The following DRC8 variants were observed in gnomAD, a reference collection of about 807,000 sequenced individuals.
DRC8 encodes dynein regulatory complex subunit 8.
chr1:245,105,004 C>A, the DRC8 span, among the ~76,000 whole-genome samples: 14 of 152,324 alleles, frequency 9.2e-5, no homozygotes, highest in African/African-American at 3.4e-4. Context: ...GTAGAATTGT[C>A]CGCACGTTGG....
the DRC8 span, among the ~76,000 whole-genome samples, chr1:245,098,195 G>A: frequency 6.3e-3 from 954 of 152,256 alleles, 9 homozygotes; most frequent in African/African-American, 0.021. Context: ...TCTCAGCAAC[G>A]ACATACTATT....
At chr1:245,032,235 G>A in the DRC8 span, among the ~76,000 whole-genome samples, 2 of 152,164 alleles carry the variant, frequency 1.3e-5, no homozygotes, top group African/African-American at 2.4e-5. Context: ...CAGGGCCCAG[G>A]TAGCATGGGA....
chr1:244,975,154 T>A, the DRC8 span, among the ~76,000 whole-genome samples: 1 of 152,072 alleles, frequency 6.6e-6, no homozygotes, highest in Non-Finnish European at 1.5e-5. Flanking sequence ...ATGGTCTCGA[T>A]CTCCTGACCT....
At chr1:245,064,002 C>T in the DRC8 span, among the ~76,000 whole-genome samples, 1 of 152,216 alleles carries the variant, frequency 6.6e-6, no homozygotes, top group Non-Finnish European at 1.5e-5. Context: ...GGATTACAGG[C>T]GTGACCAACC....
the DRC8 span, among the ~76,000 whole-genome samples, chr1:245,068,011 C>T: frequency 1.8e-4 from 3 of 16,746 alleles, no homozygotes; most frequent in African/African-American, 2.4e-4. Context: ...GGCTACCATC[C>T]AGCCATTACT....
At chr1:244,970,885 A>G in the DRC8 span, 2 of 203,002 alleles carry the variant, frequency 9.9e-6, no homozygotes, top group East Asian at 1.3e-4. Context: ...GTCGCGGGGA[A>G]GCCGCCGCCG....
chr1:245,036,796 A>G, the DRC8 span, among the ~76,000 whole-genome samples: 5 of 152,200 alleles, frequency 3.3e-5, no homozygotes, highest in Admixed American at 3.3e-4. Flanking sequence ...AAATCTGTAG[A>G]CACACAGATC....
At chr1:244,969,833 C>T in the DRC8 span, 1 of 393,386 alleles carries the variant, frequency 2.5e-6, no homozygotes, top group Non-Finnish European at 4.5e-6. Context: ...GGAGGGCAGG[C>T]GCGGCCGTTC....
At chr1:244,970,592 C>T in the DRC8 span, 1 of 952,330 alleles carries the variant, frequency 1.1e-6, no homozygotes, top group Non-Finnish European at 1.4e-6. Context: ...CACCCGGCAG[C>T]AGCAGTCGCC....
chr1:244,988,333 C>T, the DRC8 span, among the ~76,000 whole-genome samples: 2 of 151,896 alleles, frequency 1.3e-5, no homozygotes, highest in Admixed American at 1.3e-4. Context: ...GGATTTTTAT[C>T]AATTAAGTGG....
chr1:245,086,620 C>T, the DRC8 span: 1 of 458,812 alleles, frequency 2.2e-6, no homozygotes, highest in South Asian at 1.6e-5. Context: ...GGGAAGATCT[C>T]AGAACAATTT....
the DRC8 span, among the ~76,000 whole-genome samples, chr1:245,069,802 G>A: frequency 1.3e-5 from 2 of 152,222 alleles, no homozygotes; most frequent in African/African-American, 4.8e-5. Flanking sequence ...AGCTACTCGG[G>A]AGGCTGAGGC....
chr1:244,996,800 A>G, the DRC8 span, among the ~76,000 whole-genome samples: 674 of 152,228 alleles, frequency 4.4e-3, 3 homozygotes, highest in Non-Finnish European at 6.8e-3. Flanking sequence ...TTTAATGTCT[A>G]TTTTATATGT....
At chr1:245,045,932 C>G in the DRC8 span, among the ~76,000 whole-genome samples, 1 of 152,180 alleles carries the variant, frequency 6.6e-6, no homozygotes, top group Non-Finnish European at 1.5e-5. Flanking sequence ...GCCTCTGGTC[C>G]TTTTGTTACT....
the DRC8 span, chr1:244,970,455 G>C: frequency 7.7e-4 from 1,173 of 1,525,604 alleles, 17 homozygotes; most frequent in East Asian, 0.026. Flanking sequence ...TAAGGTAGGG[G>C]AGCCGGGGAG....
the DRC8 span, among the ~76,000 whole-genome samples, chr1:245,050,508 C>T: frequency 6.6e-6 from 1 of 152,150 alleles, no homozygotes; most frequent in Non-Finnish European, 1.5e-5. Context: ...CTACGTGATC[C>T]CTGACAAGTT....
chr1:245,092,157 T>C, the DRC8 span, among the ~76,000 whole-genome samples: 5 of 152,158 alleles, frequency 3.3e-5, no homozygotes, highest in African/African-American at 1.2e-4. Context: ...GTCTGTAAAA[T>C]AGAGAGCCCA....
At chr1:245,048,503 G>A in the DRC8 span, among the ~76,000 whole-genome samples, 1 of 151,712 alleles carries the variant, frequency 6.6e-6, no homozygotes, top group Admixed American at 6.6e-5. Flanking sequence ...AGAGTGAAAT[G>A]TGCTTATCTT....
At chr1:245,035,489 A>G in the DRC8 span, among the ~76,000 whole-genome samples, 1 of 152,198 alleles carries the variant, frequency 6.6e-6, no homozygotes, top group South Asian at 2.1e-4. Flanking sequence ...TCTTTACAAC[A>G]CATGATGCTA....
Sources: allele counts gnomAD v4.1 joint callset (sites outside exome capture counted in the v4.1 genomes callset), GRCh38; gene constraint gnomAD v4.1.1; transcripts MANE v1.5; gene names NCBI Gene and HGNC (gene_info 2026-07-23, HGNC 2026-07-21).